SRPK1: variants seen among roughly 807,000 people sequenced by gnomAD.
SRPK1 encodes the protein SFRS protein kinase 1.
Under a neutral mutation model 89.5 loss-of-function variants are expected in SRPK1, and 52 were observed. The observed-to-expected ratio is 0.58, with a 90% CI of 0.46 to 0.73. The LOEUF (loss-of-function observed/expected upper bound fraction) is 0.73. SRPK1 is among the 30% of genes least tolerant of loss of function. SRPK1 has a pLI of 0.00. For synonymous variants in SRPK1, 255 were observed against 270.2 expected (o/e 0.94, Z 0.55); for missense variants, 603 against 780.6 (o/e 0.77, Z 2.71).
At chr6:35,835,608 A>G in intron 15 of SRPK1, 120 bp from the exon 16 acceptor site, 1 of 813,266 alleles carries the variant, frequency 1.2e-6, no homozygotes, top group Non-Finnish European at 1.8e-6. Flanking sequence ...TGCAATCAGA[A>G]TCTAATCCTT....
chr6:35,839,633 C>A (rs1212737674), intron 14 of SRPK1, among the ~76,000 whole-genome samples: 1 of 135,486 alleles, frequency 7.4e-6, no homozygotes, highest in African/African-American at 2.7e-5. Context: ...ATCTACTGCC[C>A]CCCCCCTTTT....
In SRPK1 at chr6:35,915,981, A is replaced by C. The variant is rs182878985; in HGVS notation, c.74+4487T>G. Among the ~76,000 whole-genome samples the C allele has an allele frequency of 0.015, 1,403 of 96,558 alleles. 101 individuals are homozygous for C. In the East Asian group the frequency reaches 0.15, roughly 10 times the overall value. 63.3% of individuals were successfully genotyped at this position (96,558 alleles called of 152,430 possible). On this transcript the variant is annotated intron_variant, in intron 2 of 15. Coordinates refer to ENST00000373825, the MANE Select transcript of SRPK1 (RefSeq NM_003137.5). ...AACGAGACTCTGTCTCAAAAACAAA[A>C]AAAAAAAAAAATATATACACACACA...
chr6:35,838,413 G>C lies in SRPK1; in HGVS notation c.1707C>G (p.Ile569Met). ...GAGGCACCTTCCCCAGAAGTTCTAT[G>C]ATCAATGCAATGTGATCTGTATATT... Reference protein sequence around the residue: ...YTRDEDHIALIIELLGKVPRK... With the variant: ...YTRDEDHIALMIELLGKVPRK... Residue 569 changes from isoleucine (I) to methionine (M), a missense_variant, in exon 15 of 16, where the codon ATC becomes ATG. By Grantham distance (10) the Ile-to-Met change is conservative (BLOSUM62 1). Transcript: ENST00000373825. The C allele has an allele frequency of 6.3e-7, 1 of 1,581,990 alleles. No individual in the cohort carries two copies. Among genetic ancestry groups the C allele is most frequent in the Non-Finnish European group, 8.5e-7 (1 of 1,171,740 alleles).
intron 2 of SRPK1, among the ~76,000 whole-genome samples, chr6:35,905,520 T>C (rs1770831942): frequency 6.6e-6 from 1 of 152,154 alleles, no homozygotes; most frequent in Admixed American, 6.5e-5. Flanking sequence ...TGATGTAAAA[T>C]GAAAGCAAAA....
At chr6:35,913,819 AGAG>A (rs1042643268) in intron 2 of SRPK1, among the ~76,000 whole-genome samples, 2 of 151,138 alleles carry the variant, frequency 1.3e-5, no homozygotes, top group African/African-American at 2.4e-5. Flanking sequence ...AAAAAATAAA[AGAG>A]AGAGAAAAAA....
At chr6:35,844,861 A>G (rs1232752756) in intron 13 of SRPK1, among the ~76,000 whole-genome samples, 1 of 152,144 alleles carries the variant, frequency 6.6e-6, no homozygotes, top group Non-Finnish European at 1.5e-5. Context: ...AAATACTGAA[A>G]TTAAAGTTAA....
intron 2 of SRPK1, among the ~76,000 whole-genome samples, chr6:35,892,431 C>G (rs1770536611): frequency 6.6e-6 from 1 of 152,022 alleles, no homozygotes; most frequent in South Asian, 2.1e-4. Flanking sequence ...GCAGGTAGAT[C>G]ATTTGAGGCC....
At chr6:35,859,852 G>T (rs1769743038) in intron 12 of SRPK1, among the ~76,000 whole-genome samples, 1 of 151,624 alleles carries the variant, frequency 6.6e-6, no homozygotes, top group Non-Finnish European at 1.5e-5. Flanking sequence ...TGGCTGAAAA[G>T]AACGTAGTCT....
At chr6:35,919,328 T>C (rs1270403998) in intron 2 of SRPK1, among the ~76,000 whole-genome samples, 1 of 152,010 alleles carries the variant, frequency 6.6e-6, no homozygotes, top group Admixed American at 6.6e-5. Context: ...CATTATGTGC[T>C]CTCCCCAAAC....
chr6:35,852,458 A>G (rs1041465300), intron 13 of SRPK1, among the ~76,000 whole-genome samples: 2 of 152,252 alleles, frequency 1.3e-5, no homozygotes, highest in African/African-American at 4.8e-5. Flanking sequence ...GCAAACCTAT[A>G]GCTTTCATTG....
chr6:35,899,254 T>C (rs1770691313), intron 2 of SRPK1, among the ~76,000 whole-genome samples: 1 of 152,182 alleles, frequency 6.6e-6, no homozygotes, highest in African/African-American at 2.4e-5. Flanking sequence ...TACAAGACCT[T>C]ACGTGATCTG....
intron 13 of SRPK1, among the ~76,000 whole-genome samples, chr6:35,853,895 T>TTTTG (rs1170847951): frequency 2.0e-5 from 3 of 152,104 alleles, no homozygotes; most frequent in Non-Finnish European, 4.4e-5. Context: ...TTGTTTTTTT[T>TTTTG]TTTTTTGAGA....
In SRPK1 at chr6:35,833,701, G is replaced by A. The variant is rs1769111723; in HGVS notation, c.*1603C>T. ...AATATGTTTATGAGTTAAATGGATT[G>A]CATAACGGCACCACTTTTCCTTTGT... On this transcript the variant is annotated 3_prime_UTR_variant, in exon 16 of 16. Coordinates refer to ENST00000373825, the MANE Select transcript of SRPK1 (RefSeq NM_003137.5). 6.6e-6 allele frequency: 1 copy of A among 152,660 alleles called. No individual in the cohort carries two copies. The highest frequency in any genetic ancestry group is 1.5e-5 in the Non-Finnish European group (1 of 68,044). The allele number at this position is 152,660 out of a possible 1,614,324, so 9.5% of individuals were successfully genotyped here. A position where few individuals can be genotyped will look rare whatever the true frequency, so the allele number is the denominator to read the frequency against.
At chr6:35,883,234 CA>C (rs1360749356) in intron 6 of SRPK1, among the ~76,000 whole-genome samples, 17 of 151,968 alleles carry the variant, frequency 1.1e-4, no homozygotes, top group African/African-American at 3.9e-4. Context: ...GCTAAAAATA[CA>C]AAAACTAGCT....
At chr6:35,840,975 AACACCCGATATAATTCTAGCC>A (rs1395940379) in intron 14 of SRPK1, among the ~76,000 whole-genome samples, 1 of 152,194 alleles carries the variant, frequency 6.6e-6, no homozygotes, top group African/African-American at 2.4e-5. Context: ...AGCATAAGGT[AACACCCGATATAATTCTAGCC>A]ACTATATGTG....
At chr6:35,913,032 A>G (rs1048254313) in intron 2 of SRPK1, among the ~76,000 whole-genome samples, 4 of 152,234 alleles carry the variant, frequency 2.6e-5, no homozygotes, top group Non-Finnish European at 5.9e-5. Context: ...TTGGCCTCCC[A>G]AAGTGCTGGG....
At position 35,847,415 on chromosome 6, in the gene SRPK1, T is replaced by A. The variant is rs572797020; in HGVS notation, c.1621-4811A>T. Reference sequence around the variant, plus strand: ...GTAGAAATGGGGTCTCGCTATGTTATCCAGGCTGGTCTCAACTCCTGAGCT... The same window carrying A: ...GTAGAAATGGGGTCTCGCTATGTTAACCAGGCTGGTCTCAACTCCTGAGCT... On this transcript the variant is annotated intron_variant, in intron 13 of 15. Transcript: ENST00000373825. 2.6e-5 allele frequency among the ~76,000 whole-genome samples: 4 copies of A among 152,240 alleles called. No individual in the cohort carries two copies. In the South Asian group the frequency reaches 8.3e-4, roughly 32 times the overall value.
chr6:35,916,238 A>AATTAATT (rs1562000582), intron 2 of SRPK1, among the ~76,000 whole-genome samples: 1 of 147,556 alleles, frequency 6.8e-6, no homozygotes, highest in Non-Finnish European at 1.5e-5. Flanking sequence ...ATAAATAAAT[A>AATTAATT]AATAAATTAA....
intron 15 of SRPK1, 82 bp downstream of exon 15, chr6:35,838,255 G>A: frequency 1.1e-6 from 1 of 927,154 alleles, no homozygotes; most frequent in South Asian, 2.0e-5. Context: ...CCATCATTCT[G>A]TAGGACATTG....
Sources: allele counts gnomAD v4.1 joint callset (sites outside exome capture counted in the v4.1 genomes callset), GRCh38; gene constraint gnomAD v4.1.1; transcripts MANE v1.5; gene names NCBI Gene and HGNC (gene_info 2026-07-23, HGNC 2026-07-21).